PLA2G12B: variants seen among roughly 807,000 people sequenced by gnomAD.
PLA2G12B encodes group XIIB secretory phospholipase A2-like protein.
Under a neutral mutation model 22.3 loss-of-function variants are expected in PLA2G12B, and 19 were observed. The observed-to-expected ratio is 0.85, with a 90% confidence interval of 0.60 to 1.25. The LOEUF (loss-of-function observed/expected upper bound fraction) is 1.25. Among genes scored for constraint, PLA2G12B ranks in the 50% most tolerant of loss-of-function variants. The pLI is 0.00. For missense variants in PLA2G12B, 191 were observed against 246.6 expected, an observed-to-expected ratio of 0.77 and a Z score of 1.51; for synonymous variants, 81 against 94.9, an observed-to-expected ratio of 0.85 and a Z score of 0.85.
chr10:72,954,427 T>C (rs1458060739), intron 1 of PLA2G12B, 48 bp downstream of exon 1: 15 of 1,612,482 alleles, frequency 9.3e-6, no homozygotes, highest in Middle Eastern at 1.6e-4. Flanking sequence ...GGGCTGTCCA[T>C]GGGTCCACCA....
chr10:72,941,573 G>A (rs765445301), intron 2 of PLA2G12B, among the ~76,000 whole-genome samples: 23 of 152,184 alleles, frequency 1.5e-4, no homozygotes, highest in African/African-American at 7.2e-5. Context: ...TTCACCTTTT[G>A]TTTTTTCAGA....
chr10:72,943,682 C>T (rs1846396420), intron 1 of PLA2G12B, among the ~76,000 whole-genome samples: 1 of 152,156 alleles, frequency 6.6e-6, no homozygotes, highest in Non-Finnish European at 1.5e-5. Context: ...TAAAGATAAC[C>T]TTGACCTGAG....
intron 3 of PLA2G12B, among the ~76,000 whole-genome samples, chr10:72,936,893 A>C (rs1286333790): frequency 6.6e-6 from 1 of 152,228 alleles, no homozygotes; most frequent in Middle Eastern, 3.2e-3. Flanking sequence ...TGTCACTAAC[A>C]ATCTTATAGA....
chr10:72,948,605 G>A (rs1846479465), intron 1 of PLA2G12B, among the ~76,000 whole-genome samples: 1 of 152,066 alleles, frequency 6.6e-6, no homozygotes, highest in Non-Finnish European at 1.5e-5. Flanking sequence ...AGGAGTGAGA[G>A]GCCGACAACT....
At chr10:72,943,670 G>A (rs1436452744) in intron 1 of PLA2G12B, among the ~76,000 whole-genome samples, 1 of 152,194 alleles carries the variant, frequency 6.6e-6, no homozygotes. Flanking sequence ...AGTGCTCACA[G>A]GTAAAGATAA....
chr10:72,949,060 G>C (rs1214758643), intron 1 of PLA2G12B, among the ~76,000 whole-genome samples: 1 of 152,122 alleles, frequency 6.6e-6, no homozygotes, highest in Non-Finnish European at 1.5e-5. Flanking sequence ...CCACCCAGCT[G>C]GTTCCCCCAA....
chr10:72,940,687 T>A lies in PLA2G12B; in HGVS notation c.466+482A>T, dbSNP rs571080575. On this transcript the variant is annotated intron_variant, in intron 3 of 3. Coordinates refer to ENST00000373032, the MANE Select transcript of PLA2G12B (RefSeq NM_032562.5). ...ATTCTGTCTCAAAAAAAATTTTTTT[T>A]AATTTAAATAAAATAATTATCCTCA... 2.5e-3 allele frequency among the ~76,000 whole-genome samples: 378 copies of A among 152,004 alleles called. 2 individuals carry two copies. Among genetic ancestry groups the A allele is most frequent in the Non-Finnish European group, 3.8e-3 (261 of 67,978 alleles).
rs1406213289 is a variant in PLA2G12B at position 72,954,742 on chromosome 10, T to A, written c.-57A>T. Reference sequence around the variant, plus strand: ...TCAAACCCCAGCCAGTGTCCCAGAATTCCAGGGACAAACCCCCTACCCAGA... The same window carrying A: ...TCAAACCCCAGCCAGTGTCCCAGAAATCCAGGGACAAACCCCCTACCCAGA... On this transcript the variant is annotated 5_prime_UTR_variant, in exon 1 of 4. Coordinates refer to ENST00000373032, the MANE Select transcript of PLA2G12B (RefSeq NM_032562.5). 6.3e-7 allele frequency: 1 copy of A among 1,575,332 alleles called. No homozygotes were observed. Among genetic ancestry groups the A allele is most frequent in the Non-Finnish European group, 8.7e-7 (1 of 1,151,546 alleles).
intron 1 of PLA2G12B, among the ~76,000 whole-genome samples, chr10:72,946,647 G>A (rs2132975993): frequency 6.6e-6 from 1 of 152,278 alleles, no homozygotes; most frequent in South Asian, 2.1e-4. Flanking sequence ...TGGGAGTGAG[G>A]TGGTGTTTCA....
chr10:72,940,679 AT>A (rs1377766676), intron 3 of PLA2G12B, among the ~76,000 whole-genome samples: 2 of 151,844 alleles, frequency 1.3e-5, no homozygotes, highest in Admixed American at 6.6e-5. Context: ...CTCAAAAAAA[AT>A]TTTTTTTAAT....
rs188694751 is a variant in PLA2G12B at position 72,941,485 on chromosome 10, G to A, written c.301-151C>T. 25 of 694,620 alleles carry A rather than the reference G, an allele frequency of 3.6e-5. No homozygotes were observed. The Admixed American group carries it at 6.8e-4, about 19-fold the overall frequency. 43.0% of individuals were successfully genotyped at this position (694,620 alleles called of 1,614,324 possible). On this transcript the variant is annotated intron_variant, in intron 2 of 3. Transcript: ENST00000373032. ...TCAATTCAGAAACACCAATGACTCA[G>A]TAGAATACCAACAGTCACAGGATTA...
At chr10:72,942,515 T>C in intron 2 of PLA2G12B, 137 bp downstream of exon 2, 1 of 602,518 alleles carries the variant, frequency 1.7e-6, no homozygotes, top group Non-Finnish European at 2.6e-6. Context: ...AAAAATTCTC[T>C]CCCTCATATC....
intron 1 of PLA2G12B, among the ~76,000 whole-genome samples, chr10:72,953,070 TGTGAGCATAATCCA>T (rs1240073959): frequency 2.0e-5 from 3 of 152,156 alleles, no homozygotes; most frequent in Admixed American, 6.5e-5. Context: ...GTGCAAACAG[TGTGAGCATAATCCA>T]GTGGCAAGGC....
At chr10:72,941,138 T>C (rs758491573) in intron 3 of PLA2G12B, 31 bp downstream of exon 3, 1 of 1,605,082 alleles carries the variant, frequency 6.2e-7, no homozygotes, top group Non-Finnish European at 8.5e-7. Context: ...CAAACCTCCC[T>C]GTGCACTGTA....
chr10:72,941,275 G>A lies in PLA2G12B; in HGVS notation c.360C>T (p.Asp120=). 1 of 1,613,740 alleles carries A rather than the reference G, an allele frequency of 6.2e-7. No homozygotes were observed. Among genetic ancestry groups the A allele is most frequent in the Non-Finnish European group, 8.5e-7 (1 of 1,179,652 alleles). The change falls in exon 3 of 4, where the codon GAC becomes GAT. Residue 120 remains aspartate, a synonymous_variant. Coordinates refer to ENST00000373032, the MANE Select transcript of PLA2G12B (RefSeq NM_032562.5). The stretch of plus-strand genomic sequence containing the variant: ...AGCGATATTTGTTGGCACCGCAAGT[G>A]TCATAACAGACATCCAGCTGGTTGC... ...KCCNQLDVCY[D]TCGANKYRCD...
chr10:72,946,422 G>A (rs1846441692), intron 1 of PLA2G12B, among the ~76,000 whole-genome samples: 1 of 152,118 alleles, frequency 6.6e-6, no homozygotes, highest in East Asian at 1.9e-4. Flanking sequence ...ACTAATATTT[G>A]TAGACGGGTT....
Position 72,944,031 on chromosome 10 carries a change from TCTTCCTTC to T in PLA2G12B, c.212-1299_212-1292del, listed in dbSNP as rs1314685421. 2.8e-4 allele frequency among the ~76,000 whole-genome samples: 42 copies of T among 151,998 alleles called. No homozygotes were observed. In the East Asian group the frequency reaches 7.3e-3, roughly 27 times the overall value. On this transcript the variant is annotated intron_variant, in intron 1 of 3. Coordinates refer to ENST00000373032, the MANE Select transcript of PLA2G12B (RefSeq NM_032562.5). ...TTCTTCCTTCCTTCCTTTCTTCCTTTCTTCCTTCCTTCCCACCTTCTTTCCTTCCTTCC... is the reference window on the plus strand; with the variant it reads ...TTCTTCCTTCCTTCCTTTCTTCCTTTCTTCCCACCTTCTTTCCTTCCTTCC...
chr10:72,937,879 A>G lies in PLA2G12B; in HGVS notation c.467-2141T>C, dbSNP rs548463600. On this transcript the variant is annotated intron_variant, in intron 3 of 3. Transcript: ENST00000373032. ...CCAGGTGTGGTGGCTCACGCCTGTAATCCTAGCACTTTGGGAGGCTGAGGC... is the reference window on the plus strand; with the variant it reads ...CCAGGTGTGGTGGCTCACGCCTGTAGTCCTAGCACTTTGGGAGGCTGAGGC... Among the ~76,000 whole-genome samples, 6 of 152,256 alleles carry G rather than the reference A, an allele frequency of 3.9e-5. No individual in the cohort carries two copies. The East Asian group carries it at 9.7e-4, about 24-fold the overall frequency.
At chr10:72,939,757 G>A (rs1051033486) in intron 3 of PLA2G12B, among the ~76,000 whole-genome samples, 8 of 152,220 alleles carry the variant, frequency 5.3e-5, no homozygotes, top group African/African-American at 1.9e-4. Flanking sequence ...GACCAGAAAT[G>A]CCCAAGATAA....
Sources: allele counts gnomAD v4.1 joint callset (sites outside exome capture counted in the v4.1 genomes callset), GRCh38; gene constraint gnomAD v4.1.1; transcripts MANE v1.5; gene names NCBI Gene and HGNC (gene_info 2026-07-23, HGNC 2026-07-21).